Variants in PCDHA2 observed in about 807,000 individuals in gnomAD.
PCDHA2 encodes the protein protocadherin alpha 2, also known as protocadherin alpha-2.
Under a neutral mutation model 66.0 loss-of-function variants are expected in PCDHA2, and 58 were observed. The ratio of observed to expected loss-of-function variants is 0.88; its 90% CI spans 0.71 to 1.09. PCDHA2 has a LOEUF of 1.09. Ranked by LOEUF, PCDHA2 falls within the 50% of genes least tolerant of loss-of-function variation. PCDHA2 has a pLI of 0.00. For missense variants in PCDHA2, 1,267 were observed against 1,242.3 expected (o/e 1.02, Z -0.30); for synonymous variants, 634 against 554.0 (o/e 1.14, Z -2.03).
chr5:140,884,012 C>T, intron 1 of PCDHA2: 1 of 1,613,134 alleles, frequency 6.2e-7, no homozygotes, highest in Non-Finnish European at 8.5e-7. Context: ...CGAGCTGATG[C>T]CGCGGTCGGT....
intron 1 of PCDHA2, chr5:140,926,329 A>G (rs1435633972): frequency 6.6e-6 from 1 of 152,150 alleles, no homozygotes; most frequent in Non-Finnish European, 1.5e-5. Flanking sequence ...CCGGGGTCAG[A>G]GCGCCGGGAC....
intron 1 of PCDHA2, chr5:140,856,072 G>A: frequency 6.3e-7 from 1 of 1,592,122 alleles, no homozygotes; most frequent in Non-Finnish European, 8.6e-7. Flanking sequence ...GTAGCTGCCT[G>A]GGGGTCCAGT....
In PCDHA2 at chr5:140,822,413, C is replaced by T. The variant is rs1156477485; in HGVS notation, c.2388+25061C>T. 3 of 1,613,914 alleles carry T rather than the reference C, an allele frequency of 1.9e-6. No homozygotes were observed. The African/African-American group carries it at 4.0e-5, about 22-fold the overall frequency. The stretch of plus-strand genomic sequence containing the variant: ...CAAGAACACCGTTTATTAGTGATTG[C>T]AACTGATGGAGGAAAACCCGAACTA... On this transcript the variant is annotated intron_variant, in intron 1 of 3. Transcript: ENST00000526136.
At chr5:140,832,820 T>C (rs1554133674) in intron 1 of PCDHA2, among the ~76,000 whole-genome samples, 1 of 152,208 alleles carries the variant, frequency 6.6e-6, no homozygotes, top group East Asian at 1.9e-4. Context: ...AAAAAAATCT[T>C]TGCCTTTTTC....
chr5:140,835,907 G>C, intron 1 of PCDHA2: 1 of 1,612,200 alleles, frequency 6.2e-7, no homozygotes, highest in Non-Finnish European at 8.5e-7. Flanking sequence ...CGAGCTACGT[G>C]TCAGTGCACG....
intron 1 of PCDHA2, among the ~76,000 whole-genome samples, chr5:140,903,580 G>T (rs2070406453): frequency 6.6e-6 from 1 of 152,154 alleles, no homozygotes; most frequent in South Asian, 2.1e-4. Context: ...CTGTCTAGCT[G>T]GTGTTGGCCT....
chr5:140,796,626 C>T lies in PCDHA2; in HGVS notation c.1662C>T (p.Phe554=), dbSNP rs1554120014. Residue 554 remains phenylalanine (F), a synonymous_variant, in exon 1 of 4, where the codon TTC becomes TTT. Transcript: ENST00000526136. ...PLGSNVTLQV[F]VLDENDNAPA... is the part of the protein sequence containing the mutation. ...GCAGCAACGTGACGCTGCAGGTGTT[C>T]GTGCTGGACGAGAACGACAACGCGC... 1.2e-6 allele frequency: 2 copies of T among 1,609,656 alleles called. No individual in the cohort carries two copies. The highest frequency in any genetic ancestry group is 1.7e-6 in the Non-Finnish European group (2 of 1,178,682).
intron 1 of PCDHA2, among the ~76,000 whole-genome samples, chr5:140,947,593 T>C (rs2094149533): frequency 1.3e-5 from 2 of 151,712 alleles, no homozygotes; most frequent in African/African-American, 2.4e-5. Context: ...TAGATCAATT[T>C]AGGGAAGATT....
At chr5:140,826,319 GT>G (rs1554130524) in intron 1 of PCDHA2, among the ~76,000 whole-genome samples, 1 of 147,564 alleles carries the variant, frequency 6.8e-6, no homozygotes, top group African/African-American at 2.7e-5. Context: ...TTTGGGGATT[GT>G]TTTTGGTTAA....
intron 1 of PCDHA2, chr5:140,877,407 C>A: frequency 6.2e-7 from 1 of 1,613,942 alleles, no homozygotes; most frequent in Non-Finnish European, 8.5e-7. Flanking sequence ...CTCCGCGCCA[C>A]CGCCTGCTGG....
Position 140,875,735 on chromosome 5 carries a change from C to G in PCDHA2, c.2388+78383C>G, listed in dbSNP as rs376701509. ...CAGAATGGCATTTTGTTTGTGAATT[C>G]TCGGATCGACCGCGAGAAGCTGTGC... is the stretch of plus-strand genomic sequence containing the variant. On this transcript the variant is annotated intron_variant, in intron 1 of 3. Coordinates refer to ENST00000526136, the MANE Select transcript of PCDHA2 (RefSeq NM_018905.3). The G allele has an allele frequency of 5.0e-5, 80 of 1,614,232 alleles. No individual in the cohort carries two copies. The South Asian group carries it at 5.4e-4, about 11-fold the overall frequency.
chr5:140,856,225 G>C (rs1554148421), intron 1 of PCDHA2: 1 of 1,598,066 alleles, frequency 6.3e-7, no homozygotes, highest in Admixed American at 1.7e-5. Context: ...CGGAGCTGGT[G>C]CAGCGCCTGT....
intron 2 of PCDHA2, among the ~76,000 whole-genome samples, chr5:140,979,396 G>C (rs2096848299): frequency 6.6e-6 from 1 of 151,692 alleles, no homozygotes; most frequent in South Asian, 2.1e-4. Flanking sequence ...ATACATACAT[G>C]TTGTCTACCT....
chr5:140,797,142 A>C lies in PCDHA2; in HGVS notation c.2178A>C (p.Pro726=). The change falls in exon 1 of 4, where the codon CCA becomes CCC. Residue 726 remains proline, a synonymous_variant. Coordinates refer to ENST00000526136, the MANE Select transcript of PCDHA2 (RefSeq NM_018905.3). ...ACACTGCGCTGCGGTGCTCGGTGCC[A>C]CCCACCGAGGGTGCGCGCGCGCCAG... ...LLYTALRCSV[P]PTEGARAPGK... is the part of the protein sequence containing the mutation. The C allele has an allele frequency of 1.2e-6, 2 of 1,613,904 alleles. No individual in the cohort carries two copies. Among genetic ancestry groups the C allele is most frequent in the Non-Finnish European group, 1.7e-6 (2 of 1,179,952 alleles).
At position 140,994,426 on chromosome 5, in the gene PCDHA2, G is replaced by A. The variant is rs994056098; in HGVS notation, c.2536+11863G>A. Among the ~76,000 whole-genome samples the A allele has an allele frequency of 3.9e-5, 6 of 152,110 alleles. No homozygotes were observed. In the East Asian group the frequency reaches 1.2e-3, roughly 29 times the overall value. ...CATTTAATACTGGATATTGAGGCCG[G>A]GCGCAGTGGCTCACACCTGTGATCC... On this transcript the variant is annotated intron_variant, in intron 3 of 3. Coordinates refer to ENST00000526136, the MANE Select transcript of PCDHA2 (RefSeq NM_018905.3).
At chr5:140,882,855 T>C in intron 1 of PCDHA2, 1 of 1,614,230 alleles carries the variant, frequency 6.2e-7, no homozygotes, top group Non-Finnish European at 8.5e-7. Context: ...TCACTTGTAC[T>C]GAGGAAAACA....
intron 1 of PCDHA2, chr5:140,813,911 A>T (rs1765400735): frequency 6.6e-6 from 1 of 152,288 alleles, no homozygotes; most frequent in East Asian, 1.9e-4. Context: ...AAGTGGGAGG[A>T]TCCTTGACTT....
intron 1 of PCDHA2, among the ~76,000 whole-genome samples, chr5:140,974,181 A>G (rs1361812242): frequency 3.9e-5 from 6 of 152,226 alleles, no homozygotes; most frequent in Non-Finnish European, 8.8e-5. Context: ...TAACTTGACA[A>G]ATGCAAAGGA....
intron 1 of PCDHA2, chr5:140,870,602 A>G: frequency 6.2e-7 from 1 of 1,613,246 alleles, no homozygotes; most frequent in Non-Finnish European, 8.5e-7. Flanking sequence ...CGGTTGGGCG[A>G]CCGCGCGCTG....
Sources: gnomAD v4.1 joint callset for allele counts (sites outside exome capture counted in the v4.1 genomes callset) on GRCh38, gnomAD v4.1.1 for gene constraint, MANE v1.5 for transcripts, NCBI Gene and HGNC (gene_info 2026-07-23, HGNC 2026-07-21) for gene names.